Variants in TRIO observed in about 807,000 individuals in gnomAD.
TRIO encodes triple functional domain protein.
A neutral mutation model predicts 351.9 loss-of-function variants in TRIO; 58 were observed. That is an observed-to-expected ratio of 0.16 (90% CI 0.13 to 0.21). The LOEUF (loss-of-function observed/expected upper bound fraction) is 0.21. Ranked by LOEUF, TRIO falls within the 10% of genes least tolerant of loss-of-function variation. TRIO has a pLI of 1.00. For missense variants in TRIO, 3,201 were observed against 4,027.8 expected, an observed-to-expected ratio of 0.79 and a Z score of 5.56; for synonymous variants, 1,758 against 1,595.7, an observed-to-expected ratio of 1.10 and a Z score of -2.42.
intron 34 of TRIO, among the ~76,000 whole-genome samples, chr5:14,437,184 T>A (rs1193978583): frequency 6.6e-6 from 1 of 152,204 alleles, no homozygotes; most frequent in Admixed American, 6.5e-5. Flanking sequence ...CTCTCCTGTT[T>A]GGATATTGAA....
At chr5:14,424,713 G>GT (rs1351949154) in intron 34 of TRIO, among the ~76,000 whole-genome samples, 3 of 152,156 alleles carry the variant, frequency 2.0e-5, no homozygotes, top group Admixed American at 1.3e-4. Context: ...ACTGTCTTTC[G>GT]TAAGTGTAGT....
intron 2 of TRIO, among the ~76,000 whole-genome samples, chr5:14,272,261 T>A (rs1384026515): frequency 6.6e-6 from 1 of 152,196 alleles, no homozygotes; most frequent in Non-Finnish European, 1.5e-5. Flanking sequence ...TTCATGTGTT[T>A]ATCAGTTTTT....
Position 14,366,949 on chromosome 5 carries a change from A to C in TRIO, c.2844A>C (p.Arg948=). 1.2e-6 allele frequency: 2 copies of C among 1,614,202 alleles called. No homozygotes were observed. Among genetic ancestry groups the C allele is most frequent in the Non-Finnish European group, 1.7e-6 (2 of 1,180,040 alleles). Residue 948 remains arginine, a synonymous_variant, in exon 16 of 57, where the codon CGA becomes CGC. Coordinates refer to ENST00000344204, the MANE Select transcript of TRIO (RefSeq NM_007118.4). The stretch of plus-strand genomic sequence containing the variant: ...TACAAGAGGCAGAGCAGCTCCAGCG[A>C]GAGCACGAGCAGTTCCAGCATGCCA... ...SSLQEAEQLQ[R]EHEQFQHAIE...
intron 1 of TRIO, among the ~76,000 whole-genome samples, chr5:14,253,681 G>T (rs1335869298): frequency 1.3e-5 from 2 of 152,208 alleles, no homozygotes; most frequent in Non-Finnish European, 2.9e-5. Flanking sequence ...TGAAGACTAT[G>T]CCCTTAAAGC....
intron 34 of TRIO, among the ~76,000 whole-genome samples, chr5:14,430,851 G>C (rs1485668709): frequency 6.6e-6 from 1 of 152,128 alleles, no homozygotes; most frequent in African/African-American, 2.4e-5. Flanking sequence ...GAGTAGCTGG[G>C]ACCTCAGGCA....
intron 38 of TRIO, 152 bp from the exon 39 acceptor site, chr5:14,472,440 A>G: frequency 1.2e-6 from 1 of 804,256 alleles, no homozygotes; most frequent in Non-Finnish European, 1.9e-6. Flanking sequence ...CCTGTAAGTG[A>G]TTTGGGACTC....
In TRIO at chr5:14,143,737, C is replaced by T; in HGVS notation, c.12C>T (p.Ser4=). 1 of 980,134 alleles carries T rather than the reference C, an allele frequency of 1.0e-6. No homozygotes were observed. The highest frequency in any genetic ancestry group is 1.2e-6 in the Non-Finnish European group (1 of 828,200). The allele number at this position is 980,134 out of a possible 1,614,324, so 60.7% of individuals were successfully genotyped here. The change falls in exon 1 of 57, where the codon AGC becomes AGT. Residue 4 remains serine, a synonymous_variant. Coordinates refer to ENST00000344204, the MANE Select transcript of TRIO (RefSeq NM_007118.4). ...GCGCCGCCGCAGCCATGAGCGGCAGCAGCGGCGGAGCCGCCGCCCCCGCCG... is the reference window on the plus strand; with the variant it reads ...GCGCCGCCGCAGCCATGAGCGGCAGTAGCGGCGGAGCCGCCGCCCCCGCCG... MSG[S]SGGAAAPAAS... is the part of the protein sequence containing the mutation.
intron 34 of TRIO, among the ~76,000 whole-genome samples, chr5:14,449,189 G>A (rs1350285379): frequency 1.3e-5 from 2 of 152,204 alleles, no homozygotes; most frequent in East Asian, 3.9e-4. Context: ...CCATCAATCT[G>A]AGTCTGCCTG....
intron 27 of TRIO, 71 bp downstream of exon 27, chr5:14,391,061 C>T: frequency 1.7e-6 from 2 of 1,185,286 alleles, no homozygotes; most frequent in Non-Finnish European, 2.4e-6. Flanking sequence ...TTACTCATAA[C>T]TTTCACCTAA....
intron 3 of TRIO, among the ~76,000 whole-genome samples, chr5:14,283,194 G>T (rs1736152101): frequency 6.6e-6 from 1 of 152,200 alleles, no homozygotes; most frequent in African/African-American, 2.4e-5. Flanking sequence ...ATGGTTTGTT[G>T]TAGTAGAGTG....
chr5:14,195,881 C>T (rs72742588), intron 1 of TRIO, among the ~76,000 whole-genome samples: 207 of 152,078 alleles, frequency 1.4e-3, no homozygotes, highest in Non-Finnish European at 2.4e-3. Flanking sequence ...TTTGTCTGTT[C>T]TCTTTCAGTG....
intron 1 of TRIO, among the ~76,000 whole-genome samples, chr5:14,244,450 A>G (rs961133912): frequency 6.6e-6 from 1 of 152,188 alleles, no homozygotes; most frequent in Non-Finnish European, 1.5e-5. Flanking sequence ...CTGGGTTTTC[A>G]TAGTAGTATG....
intron 1 of TRIO, among the ~76,000 whole-genome samples, chr5:14,236,717 T>C (rs564622074): frequency 3.5e-4 from 53 of 152,330 alleles, no homozygotes; most frequent in Admixed American, 6.5e-4. Context: ...TGAAGTATAA[T>C]TCATATAGCA....
Position 14,387,487 on chromosome 5 carries a change from G to A in TRIO, c.3620G>A (p.Cys1207Tyr). Residue 1207 changes from cysteine (C) to tyrosine (Y), a missense_variant, in exon 22 of 57, where the codon TGT (cysteine) becomes TAT (tyrosine). Cys to Tyr is a radical substitution (Grantham distance 194). This residue lies in a region of TRIO where 201 missense variants were observed against 266.5 expected (regional missense o/e 0.75). Transcript: ENST00000344204. Reference protein sequence around the residue: ...KLLIQLADGFCEKGHAHAAEI... With the variant: ...KLLIQLADGFYEKGHAHAAEI... ...TTGATACAGCTGGCTGATGGCTTTT[G>A]TGAAAAAGGGCATGCCCATGCGGCA... The A allele has an allele frequency of 6.2e-7, 1 of 1,614,026 alleles. No homozygotes were observed. The highest frequency in any genetic ancestry group is 8.5e-7 in the Non-Finnish European group (1 of 1,179,936).
intron 34 of TRIO, among the ~76,000 whole-genome samples, chr5:14,454,120 G>A (rs112903256): frequency 0.014 from 2,203 of 152,110 alleles, 61 homozygotes; most frequent in African/African-American, 0.05. Flanking sequence ...GTAGAAACAG[G>A]GTTTCATCAT....
intron 18 of TRIO, among the ~76,000 whole-genome samples, chr5:14,371,312 A>G (rs1261092957): frequency 6.6e-6 from 1 of 152,180 alleles, no homozygotes; most frequent in Non-Finnish European, 1.5e-5. Flanking sequence ...CCCTTTGTTC[A>G]ACTAGAATTT....
In TRIO at chr5:14,340,647, G is replaced by A. The variant is rs186217387; in HGVS notation, c.2046+3920G>A. Reference sequence around the variant, plus strand: ...TCATAACAACTCACTTTAAAAAGGTGCAAAGTCAAGGTGATGTTTACTGAG... The same window carrying A: ...TCATAACAACTCACTTTAAAAAGGTACAAAGTCAAGGTGATGTTTACTGAG... On this transcript the variant is annotated intron_variant, in intron 11 of 56. Transcript: ENST00000344204. Among the ~76,000 whole-genome samples, 3 of 152,246 alleles carry A rather than the reference G, an allele frequency of 2.0e-5. No homozygotes were observed. The East Asian group carries it at 5.8e-4, about 29-fold the overall frequency.
chr5:14,168,914 C>CCGTAG (rs1272090661), intron 1 of TRIO, among the ~76,000 whole-genome samples: 8 of 152,228 alleles, frequency 5.3e-5, no homozygotes, highest in African/African-American at 1.7e-4. Context: ...TGGCGGCAGA[C>CCGTAG]CGTAGTCTTT....
At chr5:14,339,133 A>G (rs1741703513) in intron 11 of TRIO, among the ~76,000 whole-genome samples, 1 of 152,136 alleles carries the variant, frequency 6.6e-6, no homozygotes, top group African/African-American at 2.4e-5. Context: ...TCTACTTGGG[A>G]GGCTGAGGCA....
Sources: gnomAD v4.1 joint callset for allele counts (sites outside exome capture counted in the v4.1 genomes callset) on GRCh38, gnomAD v4.1.1 for gene constraint, gnomAD v4.1.1 regional missense constraint, MANE v1.5 for transcripts, NCBI Gene and HGNC (gene_info 2026-07-23, HGNC 2026-07-21) for gene names.